The following TRAK1 variants were observed in gnomAD, a reference collection of about 807,000 sequenced individuals.
TRAK1 encodes the protein trafficking kinesin protein 1, also known as trafficking kinesin-binding protein 1.
TRAK1 carries 33 observed loss-of-function variants against 92.1 expected under a neutral mutation model. The observed-to-expected ratio is 0.36, with a 90% CI of 0.27 to 0.48. The LOEUF is 0.48. Among genes scored for constraint, TRAK1 ranks in the 20% least tolerant of loss-of-function variants. The pLI, the probability that TRAK1 is intolerant of heterozygous loss-of-function variation, is 0.99. For synonymous variants in TRAK1, 521 were observed against 517.3 expected (o/e 1.01, Z -0.10); for missense variants, 1,123 against 1,257.9 (o/e 0.89, Z 1.62).
In TRAK1 at chr3:42,082,178, C is replaced by T. The variant is rs529284590; in HGVS notation, c.-518-4926C>T. Reference sequence around the variant, plus strand: ...GTCTGGCAGCTATAAATGGAAACATCGATACTAGGAGGAGAAACAGTAGTG... The same window carrying T: ...GTCTGGCAGCTATAAATGGAAACATTGATACTAGGAGGAGAAACAGTAGTG... On this transcript the variant is annotated intron_variant, in intron 1 of 16. Coordinates refer to the TRAK1 transcript ENST00000487159. Among the ~76,000 whole-genome samples the T allele has an allele frequency of 7.2e-5, 11 of 152,156 alleles. 1 individual carries two copies. In the South Asian group the frequency reaches 2.1e-3, roughly 29 times the overall value.
intron 1 of TRAK1, among the ~76,000 whole-genome samples, chr3:42,046,296 T>G (rs1702746405): frequency 6.6e-6 from 1 of 151,876 alleles, no homozygotes; most frequent in Non-Finnish European, 1.5e-5. Flanking sequence ...CCTTTGCAAT[T>G]TTATATCTTT....
chr3:42,199,480 G>A (rs191402565), intron 11 of TRAK1, among the ~76,000 whole-genome samples: 10 of 152,226 alleles, frequency 6.6e-5, no homozygotes, highest in Non-Finnish European at 1.3e-4. Context: ...TAGAGATGGG[G>A]TGTCTCACTT....
intron 1 of TRAK1, among the ~76,000 whole-genome samples, chr3:42,081,951 A>G (rs1704456168): frequency 6.6e-6 from 1 of 152,196 alleles, no homozygotes; most frequent in Non-Finnish European, 1.5e-5. Flanking sequence ...TGTCATTTCA[A>G]GAGGGGCCTC....
chr3:42,214,838 C>G (rs750283432), intron 14 of TRAK1, among the ~76,000 whole-genome samples: 49 of 152,146 alleles, frequency 3.2e-4, no homozygotes, highest in African/African-American at 1.1e-3. Flanking sequence ...TGAAGAAATG[C>G]TTAAGCAGAG....
upstream of TRAK1, among the ~76,000 whole-genome samples, chr3:42,013,607 G>T (rs1231992820): frequency 6.7e-6 from 1 of 149,792 alleles, no homozygotes; most frequent in East Asian, 2.0e-4. This position sits in a 1 kb window ranked among gnomAD's most constrained non-coding sequence, Gnocchi z 5.1. Context: ...CGCGTCGGGC[G>T]GTGACGGCAG....
At chr3:42,066,360 C>A (rs938173794) in intron 1 of TRAK1, among the ~76,000 whole-genome samples, 24 of 152,134 alleles carry the variant, frequency 1.6e-4, no homozygotes, top group Non-Finnish European at 2.8e-4. Context: ...GAAGGGGAAG[C>A]TCTGAAGTGT....
intron 14 of TRAK1, among the ~76,000 whole-genome samples, chr3:42,215,990 C>G (rs1349964041): frequency 6.6e-6 from 1 of 152,122 alleles, no homozygotes; most frequent in Non-Finnish European, 1.5e-5. Flanking sequence ...TTCTGTTGTC[C>G]CCAGCACTTC....
At chr3:42,050,202 G>A (rs546944004) in intron 1 of TRAK1, among the ~76,000 whole-genome samples, 12 of 139,942 alleles carry the variant, frequency 8.6e-5, no homozygotes, top group South Asian at 2.6e-4. Context: ...TGTGAGAGTC[G>A]GGGGTCTTAC....
intron 1 of TRAK1, among the ~76,000 whole-genome samples, chr3:42,113,232 G>A (rs1708697531): frequency 6.6e-6 from 1 of 152,186 alleles, no homozygotes; most frequent in Non-Finnish European, 1.5e-5. Context: ...GACAGAATGA[G>A]ACCCTATCTC....
At chr3:42,163,293 A>G (rs1701479005) in intron 2 of TRAK1, among the ~76,000 whole-genome samples, 1 of 152,166 alleles carries the variant, frequency 6.6e-6, no homozygotes. Context: ...CTTGGAGGCC[A>G]GGCATGGTGG....
At chr3:42,058,224 A>G (rs1167501582) in intron 1 of TRAK1, among the ~76,000 whole-genome samples, 2 of 152,220 alleles carry the variant, frequency 1.3e-5, no homozygotes, top group African/African-American at 4.8e-5. Flanking sequence ...GTGGAGATTG[A>G]CGAAGACAAG....
intron 2 of TRAK1, among the ~76,000 whole-genome samples, chr3:42,171,883 G>A (rs1702603076): frequency 6.6e-6 from 1 of 152,088 alleles, no homozygotes; most frequent in Non-Finnish European, 1.5e-5. Context: ...TCTTAAAATT[G>A]TTTTGAGCAT....
intron 1 of TRAK1, among the ~76,000 whole-genome samples, chr3:42,050,976 A>AT (rs1282026559): frequency 6.6e-6 from 1 of 152,188 alleles, no homozygotes; most frequent in Admixed American, 6.5e-5. Flanking sequence ...TTGAAGGAGA[A>AT]TTTTTATTTT....
At chr3:42,207,914 T>A (rs563598381) in intron 13 of TRAK1, among the ~76,000 whole-genome samples, 49 of 152,322 alleles carry the variant, frequency 3.2e-4, no homozygotes, top group African/African-American at 1.1e-3. Flanking sequence ...TTGTGGGGGC[T>A]GTCCTGTACA....
chr3:42,181,969 T>C (rs1474063657), intron 3 of TRAK1, among the ~76,000 whole-genome samples: 1 of 151,854 alleles, frequency 6.6e-6, no homozygotes, highest in African/African-American at 2.4e-5. Context: ...TTTTTTTTTT[T>C]TTTTCAATTT....
At chr3:42,041,904 C>T (rs147085273) in intron 1 of TRAK1, among the ~76,000 whole-genome samples, 6 of 151,980 alleles carry the variant, frequency 3.9e-5, no homozygotes, top group African/African-American at 7.3e-5. Context: ...AAGCGATTCT[C>T]CTGCCTTAGC....
At chr3:42,168,834 T>A (rs974543001) in intron 2 of TRAK1, among the ~76,000 whole-genome samples, 1 of 152,144 alleles carries the variant, frequency 6.6e-6, no homozygotes, top group South Asian at 2.1e-4. Context: ...AAATTGTTGT[T>A]ATTTTTTGAG....
At chr3:42,156,871 C>T (rs1005546475) in intron 2 of TRAK1, among the ~76,000 whole-genome samples, 1 of 152,086 alleles carries the variant, frequency 6.6e-6, no homozygotes, top group African/African-American at 2.4e-5. Context: ...CGATGGGGGC[C>T]GGGTTCTGTG....
intron 1 of TRAK1, among the ~76,000 whole-genome samples, chr3:42,022,974 C>T (rs1022931336): frequency 2.0e-5 from 3 of 151,592 alleles, no homozygotes; most frequent in Non-Finnish European, 4.4e-5. Flanking sequence ...CTGGCTAACA[C>T]GGTGAAACCC....
Sources: allele counts gnomAD v4.1 joint callset (sites outside exome capture counted in the v4.1 genomes callset), GRCh38; gene constraint gnomAD v4.1.1; non-coding constraint Gnocchi (gnomAD v3.1); transcripts MANE v1.5; gene names NCBI Gene and HGNC (gene_info 2026-07-23, HGNC 2026-07-21).